Variants in UIMC1 observed in about 807,000 individuals in gnomAD.
UIMC1 encodes ubiquitin interaction motif containing 1, also known as BRCA1-A complex subunit RAP80.
UIMC1 carries 42 observed loss-of-function variants against 84.9 expected under a neutral mutation model. The observed-to-expected ratio is 0.49, with a 90% CI of 0.39 to 0.64. The LOEUF (loss-of-function observed/expected upper bound fraction) is 0.64, where lower values mean the gene tolerates loss of function less well. Ranked by LOEUF, UIMC1 falls within the 30% of genes least tolerant of loss-of-function variation. UIMC1 has a pLI of 0.00. For missense variants in UIMC1, 825 were observed against 847.6 expected (o/e 0.97, Z 0.33); for synonymous variants, 281 against 293.0 (o/e 0.96, Z 0.42).
chr5:176,979,012 T>C (rs1770585963), intron 2 of UIMC1, among the ~76,000 whole-genome samples: 3 of 152,172 alleles, frequency 2.0e-5, no homozygotes, highest in African/African-American at 4.8e-5. Context: ...GAAAAAATGA[T>C]AGTTATTAGC....
chr5:176,909,364 GAAAA>G (rs1464866528), intron 11 of UIMC1, among the ~76,000 whole-genome samples: 1 of 151,866 alleles, frequency 6.6e-6, no homozygotes, highest in Non-Finnish European at 1.5e-5. Flanking sequence ...GGGGGTAAAA[GAAAA>G]AAATGAGTAT....
At chr5:176,957,075 A>T (rs1246813012) in intron 7 of UIMC1, among the ~76,000 whole-genome samples, 1 of 152,150 alleles carries the variant, frequency 6.6e-6, no homozygotes, top group Non-Finnish European at 1.5e-5. Context: ...ATTTATTAAA[A>T]CCTACATCTG....
At chr5:176,931,708 C>T (rs190315525) in intron 10 of UIMC1, among the ~76,000 whole-genome samples, 85 of 152,264 alleles carry the variant, frequency 5.6e-4, no homozygotes, top group African/African-American at 1.9e-3. Context: ...AACTGAAGGC[C>T]GGGTGCGGTG....
chr5:176,909,281 G>C (rs760674455), intron 11 of UIMC1, among the ~76,000 whole-genome samples: 3 of 152,204 alleles, frequency 2.0e-5, no homozygotes, highest in African/African-American at 4.8e-5. Context: ...TAAAAGAGCA[G>C]AGTTTGGGTA....
chr5:176,963,339 C>T (rs1767826246), intron 6 of UIMC1, among the ~76,000 whole-genome samples: 1 of 151,608 alleles, frequency 6.6e-6, no homozygotes, highest in Admixed American at 6.6e-5. Flanking sequence ...TGGCCAACAT[C>T]GTGAAACCCC....
chr5:176,941,372 T>A (rs1004450659), intron 10 of UIMC1, among the ~76,000 whole-genome samples: 1 of 152,156 alleles, frequency 6.6e-6, no homozygotes, highest in African/African-American at 2.4e-5. Context: ...TATAGCATGG[T>A]CCCGTTTATG....
intron 2 of UIMC1, among the ~76,000 whole-genome samples, chr5:176,978,694 A>T (rs1344050390): frequency 6.6e-6 from 1 of 152,132 alleles, no homozygotes; most frequent in African/African-American, 2.4e-5. Context: ...TATTTCAGAA[A>T]TGCAAAGATG....
chr5:176,979,547 G>A (rs943687567), intron 2 of UIMC1, among the ~76,000 whole-genome samples: 3 of 151,386 alleles, frequency 2.0e-5, no homozygotes, highest in Admixed American at 1.3e-4. Context: ...ACGTCGCAGT[G>A]AGCCGAGATT....
intron 1 of UIMC1, among the ~76,000 whole-genome samples, chr5:177,005,028 G>A (rs1488560930): frequency 1.3e-5 from 2 of 151,930 alleles, no homozygotes; most frequent in African/African-American, 4.8e-5. Context: ...CGAGAAGCTG[G>A]GAACCACAGG....
chr5:176,999,208 C>G (rs1029367079), intron 1 of UIMC1, among the ~76,000 whole-genome samples: 1 of 152,042 alleles, frequency 6.6e-6, no homozygotes, highest in Non-Finnish European at 1.5e-5. Context: ...AAAAATCTTG[C>G]AGTATTTTTA....
At position 176,905,267 on chromosome 5, in the gene UIMC1, T is replaced by C. The variant is rs750792355; in HGVS notation, c.*15A>G. ...CTCCTACTAATGGTTTTGTCAACTTTTGGACCCTAGAAATTCAGAATTTTC... is the reference window on the plus strand; with the variant it reads ...CTCCTACTAATGGTTTTGTCAACTTCTGGACCCTAGAAATTCAGAATTTTC... On this transcript the variant is annotated 3_prime_UTR_variant, in exon 15 of 15. Transcript: ENST00000511320. 13 of 1,612,940 alleles carry C rather than the reference T, an allele frequency of 8.1e-6. No homozygotes were observed. The highest frequency in any genetic ancestry group is 6.7e-5 in the African/African-American group (5 of 74,868).
chr5:176,967,108 T>C (rs1768418662), intron 6 of UIMC1, among the ~76,000 whole-genome samples: 1 of 152,230 alleles, frequency 6.6e-6, no homozygotes. Context: ...ATATGATCTC[T>C]ATGGAGGGCA....
intron 11 of UIMC1, among the ~76,000 whole-genome samples, chr5:176,909,679 A>G (rs922280753): frequency 6.6e-6 from 1 of 152,230 alleles, no homozygotes; most frequent in African/African-American, 2.4e-5. Context: ...AATAGCAGAA[A>G]TAAGTCTCTC....
chr5:176,942,886 C>T (rs1764616782), intron 10 of UIMC1, among the ~76,000 whole-genome samples: 1 of 151,274 alleles, frequency 6.6e-6, no homozygotes, highest in Non-Finnish European at 1.5e-5. Context: ...GAAACCCTGT[C>T]TCTACTGAAA....
At chr5:176,965,099 C>G (rs1240425288) in intron 6 of UIMC1, among the ~76,000 whole-genome samples, 2 of 152,042 alleles carry the variant, frequency 1.3e-5, no homozygotes, top group Non-Finnish European at 2.9e-5. Context: ...TGCCCAGTAC[C>G]TTCTTTGGGC....
intron 1 of UIMC1, among the ~76,000 whole-genome samples, chr5:176,983,820 G>A (rs1436322321): frequency 1.3e-5 from 2 of 150,968 alleles, no homozygotes; most frequent in African/African-American, 4.9e-5. Context: ...CGTCTTGGAT[G>A]TGAGGAGCGC....
chr5:176,997,950 A>G (rs1773876640), intron 1 of UIMC1, among the ~76,000 whole-genome samples: 1 of 152,134 alleles, frequency 6.6e-6, no homozygotes, highest in African/African-American at 2.4e-5. Flanking sequence ...TCAGAAGAAT[A>G]ACTTTCTCAG....
chr5:176,976,170 A>T (rs1561863148), intron 2 of UIMC1, among the ~76,000 whole-genome samples: 1 of 151,808 alleles, frequency 6.6e-6, no homozygotes, highest in East Asian at 1.9e-4. Context: ...ATTAAAAAGA[A>T]TTTTTTTTAA....
chr5:176,985,415 C>A (rs1771815698), intron 1 of UIMC1, among the ~76,000 whole-genome samples: 1 of 149,228 alleles, frequency 6.7e-6, no homozygotes, highest in East Asian at 2.0e-4. Flanking sequence ...GAGATCGCAC[C>A]ACTGCATTCC....
Sources: allele counts gnomAD v4.1 joint callset (sites outside exome capture counted in the v4.1 genomes callset), GRCh38; gene constraint gnomAD v4.1.1; transcripts MANE v1.5; gene names NCBI Gene and HGNC (gene_info 2026-07-23, HGNC 2026-07-21).